Variants in ERICH3 observed in about 807,000 individuals in gnomAD.
The protein encoded by ERICH3 is glutamate-rich protein 3.
Under a neutral mutation model 131.1 loss-of-function variants are expected in ERICH3, and 126 were observed. The ratio of observed to expected loss-of-function variants is 0.96; its 90% CI spans 0.83 to 1.11. The LOEUF (loss-of-function observed/expected upper bound fraction) is 1.11. Among genes scored for constraint, ERICH3 ranks in the 50% most tolerant of loss-of-function variants. ERICH3 has a pLI of 0.00. For synonymous variants in ERICH3, 695 were observed against 644.6 expected, an observed-to-expected ratio of 1.08 and a Z score of -1.18; for missense variants, 2,050 against 1,810.7, an observed-to-expected ratio of 1.13 and a Z score of -2.40.
At chr1:74,634,949 T>C (rs1198565329) in intron 6 of ERICH3, 3 of 382,338 alleles carry the variant, frequency 7.8e-6, no homozygotes, top group Non-Finnish European at 9.2e-6. Flanking sequence ...GTGATTTGGC[T>C]TCTCATATAT....
At position 74,569,478 on chromosome 1, in the gene ERICH3, T is replaced by C. The variant is rs1424838548; in HGVS notation, c.*980A>G. 2 of 152,174 alleles carry C rather than the reference T, an allele frequency of 1.3e-5. No individual in the cohort carries two copies. Among genetic ancestry groups the C allele is most frequent in the East Asian group, 3.8e-4 (2 of 5,198 alleles). 9.4% of individuals were successfully genotyped at this position (152,174 alleles called of 1,614,324 possible). On this transcript the variant is annotated 3_prime_UTR_variant, in exon 15 of 15. Transcript: ENST00000326665. ...AGGGAGTAATTTAGAATGCAGTTGT[T>C]ACTGTTGATTTATAATGAACTGCAA...
intron 10 of ERICH3, among the ~76,000 whole-genome samples, chr1:74,602,250 T>C (rs1419553661): frequency 6.6e-6 from 1 of 151,962 alleles, no homozygotes; most frequent in Admixed American, 6.6e-5. Context: ...TGCCCTGGCT[T>C]TATTCTATCC....
chr1:74,572,029 C>A lies in ERICH3; in HGVS notation c.3681G>T (p.Val1227=). 1 of 1,614,192 alleles carries A rather than the reference C, an allele frequency of 6.2e-7. No homozygotes were observed. Among genetic ancestry groups the A allele is most frequent in the Non-Finnish European group, 8.5e-7 (1 of 1,180,038 alleles). The part of the protein sequence containing the change: ...AAPEAEPAGK[V]QAPEGLIPAT... ...CTGGGATCAGCCCCTCAGGGGCCTGCACCTTTCCTGCTGGCTCAGCTTCAG... is the reference window on the plus strand; with the variant it reads ...CTGGGATCAGCCCCTCAGGGGCCTGAACCTTTCCTGCTGGCTCAGCTTCAG... Residue 1227 remains valine (V), a synonymous_variant, in exon 14 of 15, where the codon GTG becomes GTT. Coordinates refer to ENST00000326665, the MANE Select transcript of ERICH3 (RefSeq NM_001002912.5).
chr1:74,605,586 C>T (rs1648346566), intron 10 of ERICH3, among the ~76,000 whole-genome samples: 2 of 151,370 alleles, frequency 1.3e-5, no homozygotes, highest in African/African-American at 2.4e-5. Context: ...TATTAATTAA[C>T]CTAATTTCAA....
intron 1 of ERICH3, 93 bp downstream of exon 1, chr1:74,673,404 C>T: frequency 6.7e-7 from 1 of 1,502,788 alleles, no homozygotes; most frequent in Non-Finnish European, 9.2e-7. Context: ...GCTCCCCTCT[C>T]GCCCCTTCCC....
At chr1:74,579,829 C>G in intron 12 of ERICH3, 1 of 985,146 alleles carries the variant, frequency 1.0e-6, no homozygotes, top group Non-Finnish European at 1.2e-6. Flanking sequence ...AAGGTGACCA[C>G]TGGAGGCAAA....
In ERICH3 at chr1:74,606,888, A is replaced by C. The variant is rs765140632; in HGVS notation, c.1202T>G (p.Met401Arg). 5.6e-6 allele frequency: 9 copies of C among 1,611,466 alleles called. No individual in the cohort carries two copies. In the Admixed American group the frequency reaches 1.5e-4, roughly 27 times the overall value. ...SSPCYKCIIA[M>R]GLDKKPSLPK... ...CAAAGACGGTTTTTTGTCAAGGCCC[A>C]TTGCAATAATGCACCTATGAAAAAT... The change falls in exon 10 of 15, where the codon ATG becomes AGG. Residue 401 changes from methionine (M) to arginine (R), a missense_variant. By Grantham distance (91) the Met-to-Arg change is moderately conservative. Transcript: ENST00000326665.
At position 74,673,632 on chromosome 1, in the gene ERICH3, C is replaced by G; in HGVS notation, c.-113G>C. On this transcript the variant is annotated 5_prime_UTR_variant, in exon 1 of 15. Coordinates refer to ENST00000326665, the MANE Select transcript of ERICH3 (RefSeq NM_001002912.5). Reference sequence around the variant, plus strand: ...TCGAGGGGTGGCTCCGCACCGAGGTCCCCTGTGCGCGGGCACCTGGGCTGG... The same window carrying G: ...TCGAGGGGTGGCTCCGCACCGAGGTGCCCTGTGCGCGGGCACCTGGGCTGG... 8.2e-7 allele frequency: 1 copy of G among 1,222,684 alleles called. No homozygotes were observed. Among genetic ancestry groups the G allele is most frequent in the Non-Finnish European group, 1.1e-6 (1 of 893,288 alleles). The allele number at this position is 1,222,684 out of a possible 1,614,324, so 75.7% of individuals were successfully genotyped here.
In ERICH3 at chr1:74,572,618, C is replaced by G; in HGVS notation, c.3092G>C (p.Gly1031Ala). 1 of 1,614,026 alleles carries G rather than the reference C, an allele frequency of 6.2e-7. No individual in the cohort carries two copies. Among genetic ancestry groups the G allele is most frequent in the Non-Finnish European group, 8.5e-7 (1 of 1,180,006 alleles). ...EAFLCKEDVE[G>A]EEMVTEAEAN... is the part of the protein sequence containing the mutation. The stretch of plus-strand genomic sequence containing the variant: ...TTCTGCCTCAGTCACCATCTCTTCC[C>G]CTTCCACATCTTCCTTGCAAAGGAA... Residue 1031 changes from glycine (G) to alanine (A), a missense_variant, in exon 14 of 15, where the codon GGG (glycine) becomes GCG (alanine). Gly to Ala is a moderately conservative substitution (Grantham distance 60). Transcript: ENST00000326665.
chr1:74,587,349 T>C (rs181491993), intron 12 of ERICH3, among the ~76,000 whole-genome samples: 2,367 of 136,028 alleles, frequency 0.017, 68 homozygotes, highest in African/African-American at 0.063. Context: ...AAAAAAAAAA[T>C]TAAAATCAAA....
At chr1:74,602,685 A>G (rs1329143620) in intron 10 of ERICH3, among the ~76,000 whole-genome samples, 2 of 151,964 alleles carry the variant, frequency 1.3e-5, no homozygotes, top group Non-Finnish European at 1.5e-5. Context: ...AGAATTCAGG[A>G]AAAGCTTTAT....
chr1:74,662,294 T>G (rs565938942), intron 1 of ERICH3, among the ~76,000 whole-genome samples: 24 of 152,286 alleles, frequency 1.6e-4, no homozygotes, highest in African/African-American at 5.5e-4. Context: ...TTCTGGAAGA[T>G]TCCAGCATGA....
chr1:74,607,156 T>C (rs1240632706), intron 9 of ERICH3, among the ~76,000 whole-genome samples: 1 of 151,978 alleles, frequency 6.6e-6, no homozygotes, highest in African/African-American at 2.4e-5. Context: ...CAAAATAAAA[T>C]AACTCGTCAA....
chr1:74,631,480 A>G (rs888520985), intron 7 of ERICH3, among the ~76,000 whole-genome samples: 1 of 152,126 alleles, frequency 6.6e-6, no homozygotes, highest in African/African-American at 2.4e-5. Flanking sequence ...ATTAAATTTG[A>G]CCACAAGAAT....
chr1:74,662,857 A>G (rs1469010259), intron 1 of ERICH3, among the ~76,000 whole-genome samples: 1 of 152,182 alleles, frequency 6.6e-6, no homozygotes, highest in East Asian at 1.9e-4. Flanking sequence ...TTACTATTTA[A>G]AAATGTTTCC....
intron 11 of ERICH3, among the ~76,000 whole-genome samples, chr1:74,591,516 CA>C (rs922122809): frequency 6.6e-6 from 1 of 152,148 alleles, no homozygotes; most frequent in African/African-American, 2.4e-5. Context: ...TAGTCCAGGG[CA>C]GTCCTCTGAA....
At chr1:74,586,615 A>G (rs1215575044) in intron 12 of ERICH3, 2 of 573,996 alleles carry the variant, frequency 3.5e-6, no homozygotes, top group Non-Finnish European at 4.4e-6. Flanking sequence ...TCTTAAGAAA[A>G]TGTTTATAAA....
At chr1:74,616,474 C>A (rs1184478993) in intron 8 of ERICH3, among the ~76,000 whole-genome samples, 1 of 152,142 alleles carries the variant, frequency 6.6e-6, no homozygotes, top group African/African-American at 2.4e-5. Context: ...GAGGGCTCAA[C>A]CTTTTCATAC....
intron 7 of ERICH3, chr1:74,624,369 G>A (rs1359837540): frequency 6.6e-6 from 1 of 152,212 alleles, no homozygotes; most frequent in Non-Finnish European, 1.5e-5. Context: ...ACACAAGCCA[G>A]AGGAAGAGTG....
Sources: gnomAD v4.1 joint callset for allele counts (sites outside exome capture counted in the v4.1 genomes callset) on GRCh38, gnomAD v4.1.1 for gene constraint, MANE v1.5 for transcripts, NCBI Gene and HGNC (gene_info 2026-07-23, HGNC 2026-07-21) for gene names.